SNX29: variants seen among roughly 807,000 people sequenced by gnomAD.
SNX29 encodes the protein sorting nexin 29.
Under a neutral mutation model 102.1 loss-of-function variants are expected in SNX29, and 78 were observed. The observed-to-expected ratio is 0.76, with a 90% CI of 0.64 to 0.92. SNX29 has a LOEUF of 0.92. SNX29 is among the 40% of genes least tolerant of loss of function. The pLI, the probability that SNX29 is intolerant of heterozygous loss-of-function variation, is 0.00. For missense variants in SNX29, 1,280 were observed against 1,061.7 expected (o/e 1.21, Z -2.86); for synonymous variants, 580 against 414.5 (o/e 1.40, Z -4.85).
At chr16:12,406,363 G>C (rs2084166310) in intron 18 of SNX29, among the ~76,000 whole-genome samples, 1 of 152,174 alleles carries the variant, frequency 6.6e-6, no homozygotes. Flanking sequence ...TTCCACACAG[G>C]ATTTGAGATT....
chr16:12,306,830 C>T (rs1315560059), intron 15 of SNX29, among the ~76,000 whole-genome samples: 1 of 152,200 alleles, frequency 6.6e-6, no homozygotes, highest in East Asian at 1.9e-4. Context: ...TGGTGGCCAG[C>T]CCCTAGTTTG....
chr16:12,525,598 A>G (rs1322062807), intron 20 of SNX29, among the ~76,000 whole-genome samples: 1 of 151,092 alleles, frequency 6.6e-6, no homozygotes, highest in Non-Finnish European at 1.5e-5. Flanking sequence ...AGGCTGAGGC[A>G]GGAGAATCAC....
At chr16:12,362,551 A>ACCACCACCCC (rs1464136306) in intron 16 of SNX29, among the ~76,000 whole-genome samples, 1 of 23,496 alleles carries the variant, frequency 4.3e-5, no homozygotes. Flanking sequence ...TGGCTGCTGC[A>ACCACCACCCC]CTCCCCCCCC....
At chr16:12,382,518 A>G (rs1419263571) in intron 16 of SNX29, among the ~76,000 whole-genome samples, 1 of 152,196 alleles carries the variant, frequency 6.6e-6, no homozygotes, top group Non-Finnish European at 1.5e-5. Context: ...CCTTAGGAGG[A>G]TGATGTATAG....
At chr16:12,536,741 G>T (rs537518416) in intron 20 of SNX29, among the ~76,000 whole-genome samples, 1 of 152,324 alleles carries the variant, frequency 6.6e-6, no homozygotes, top group East Asian at 1.9e-4. Flanking sequence ...ACTTTGGGAG[G>T]TCAAGGCAGG....
intron 11 of SNX29, among the ~76,000 whole-genome samples, chr16:12,088,913 C>T (rs967182053): frequency 6.6e-6 from 1 of 152,090 alleles, no homozygotes. Context: ...CACAGCGAAA[C>T]CCCATCTCTA....
At chr16:12,561,383 GGCCACATCCCC>G (rs1426068679) in intron 20 of SNX29, among the ~76,000 whole-genome samples, 1 of 152,112 alleles carries the variant, frequency 6.6e-6, no homozygotes, top group Non-Finnish European at 1.5e-5. Context: ...GGAAGATGCT[GGCCACATCCCC>G]GCCACACACA....
At chr16:12,403,133 T>G (rs2084014389) in intron 17 of SNX29, among the ~76,000 whole-genome samples, 1 of 151,682 alleles carries the variant, frequency 6.6e-6, no homozygotes, top group Non-Finnish European at 1.5e-5. Flanking sequence ...TCAGATACAT[T>G]ATGGGCCAGA....
intron 14 of SNX29, among the ~76,000 whole-genome samples, chr16:12,232,192 G>C (rs143424880): frequency 2.3e-4 from 35 of 152,282 alleles, no homozygotes; most frequent in Non-Finnish European, 4.7e-4. Flanking sequence ...GGCCATTAAG[G>C]GGGAAGATGC....
intron 13 of SNX29, among the ~76,000 whole-genome samples, chr16:12,152,529 G>A (rs2055343977): frequency 6.6e-6 from 1 of 152,150 alleles, no homozygotes; most frequent in Non-Finnish European, 1.5e-5. Context: ...GGAACGCGTT[G>A]CTTTCCTTCT....
intron 13 of SNX29, among the ~76,000 whole-genome samples, chr16:12,195,240 C>T (rs775636219): frequency 3.9e-4 from 60 of 152,314 alleles, no homozygotes; most frequent in Middle Eastern, 3.4e-3. Flanking sequence ...AGTCCTATAG[C>T]GTCCTATTAT....
At chr16:11,988,344 C>T (rs1300066534) in intron 1 of SNX29, among the ~76,000 whole-genome samples, 1 of 151,540 alleles carries the variant, frequency 6.6e-6, no homozygotes, top group Non-Finnish European at 1.5e-5. Flanking sequence ...CATAATGGTG[C>T]CATGTGGTAG....
chr16:12,438,871 G>A (rs11075074), intron 18 of SNX29, among the ~76,000 whole-genome samples: 33,595 of 152,096 alleles, frequency 0.22, 3,760 homozygotes, highest in South Asian at 0.31. Context: ...GACAGGAGCC[G>A]GGCCTGTTGG....
At chr16:12,044,527 T>G (rs1260664309) in intron 5 of SNX29, among the ~76,000 whole-genome samples, 1 of 152,214 alleles carries the variant, frequency 6.6e-6, no homozygotes, top group African/African-American at 2.4e-5. Flanking sequence ...TGAGAATGTC[T>G]GGATCTCTAG....
chr16:12,527,927 C>G (rs1379374643), intron 20 of SNX29, among the ~76,000 whole-genome samples: 1 of 151,210 alleles, frequency 6.6e-6, no homozygotes, highest in Admixed American at 6.6e-5. Context: ...CAGGTTCACG[C>G]CATTCTCCTG....
At chr16:12,549,129 T>TG (rs1305467134) in intron 20 of SNX29, among the ~76,000 whole-genome samples, 1 of 152,204 alleles carries the variant, frequency 6.6e-6, no homozygotes, top group Non-Finnish European at 1.5e-5. Flanking sequence ...TGGAAAATTC[T>TG]GGGGTAGTTT....
chr16:12,009,321 T>G (rs1451964813), intron 3 of SNX29, among the ~76,000 whole-genome samples: 2 of 151,988 alleles, frequency 1.3e-5, no homozygotes, highest in African/African-American at 4.8e-5. Context: ...GCCTAAATGG[T>G]GCACCGTATT....
intron 14 of SNX29, among the ~76,000 whole-genome samples, chr16:12,255,981 T>G (rs748085355): frequency 6.6e-5 from 10 of 152,216 alleles, no homozygotes; most frequent in Non-Finnish European, 1.3e-4. Context: ...CTGTACTAAT[T>G]TACGTTCCTA....
At chr16:12,436,235 C>T (rs938503550) in intron 18 of SNX29, among the ~76,000 whole-genome samples, 33 of 152,306 alleles carry the variant, frequency 2.2e-4, no homozygotes, top group African/African-American at 7.7e-4. Context: ...GCCACGCCTC[C>T]TCCCTGGGCC....
Sources: allele counts gnomAD v4.1 joint callset (sites outside exome capture counted in the v4.1 genomes callset), GRCh38; gene constraint gnomAD v4.1.1; transcripts MANE v1.5; gene names NCBI Gene and HGNC (gene_info 2026-07-23, HGNC 2026-07-21).